The following FHIT variants were observed in gnomAD, a reference collection of about 807,000 sequenced individuals.
FHIT encodes bis(5'-adenosyl)-triphosphatase.
A neutral mutation model predicts 17.9 loss-of-function variants in FHIT; 19 were observed. The ratio of observed to expected loss-of-function variants is 1.06; its 90% confidence interval spans 0.74 to 1.56. The LOEUF (loss-of-function observed/expected upper bound fraction) is 1.56, where lower values mean the gene tolerates loss of function less well. Among genes scored for constraint, FHIT ranks in the 40% most tolerant of loss-of-function variants. The probability of loss-of-function intolerance (pLI) is 0.00; values close to 1 mark genes in which losing one functional copy is unlikely to be tolerated. For synonymous variants in FHIT, 81 were observed against 69.7 expected, an observed-to-expected ratio of 1.16 and a Z score of -0.81; for missense variants, 248 against 189.2, an observed-to-expected ratio of 1.31 and a Z score of -1.82.
At chr3:60,335,631 T>A (rs1710198508) in intron 5 of FHIT, among the ~76,000 whole-genome samples, 1 of 152,164 alleles carries the variant, frequency 6.6e-6, no homozygotes, top group South Asian at 2.1e-4. Context: ...AATCGGGTGC[T>A]GTGTTAGATA....
chr3:59,752,858 A>G (rs1429874128), intron 8 of FHIT, among the ~76,000 whole-genome samples: 1 of 152,132 alleles, frequency 6.6e-6, no homozygotes, highest in African/African-American at 2.4e-5. Flanking sequence ...CCAGGAGCCA[A>G]TTAAACTGCT....
rs113286561 is a variant in FHIT at position 60,497,669 on chromosome 3, A to C, written c.103+39191T>G. Among the ~76,000 whole-genome samples, 1,442 of 152,284 alleles carry C rather than the reference A, an allele frequency of 9.5e-3. 31 individuals carry two copies. Among genetic ancestry groups the C allele is most frequent in the African/African-American group, 0.033 (1,381 of 41,560 alleles). ...AGGATCATTTCATTATTACAGTTTC[A>C]GGCAAGAACATTCTAAAACCAGCTC... is the stretch of plus-strand genomic sequence containing the variant. On this transcript the variant is annotated intron_variant, in intron 5 of 9. Coordinates refer to ENST00000492590, the MANE Select transcript of FHIT (RefSeq NM_002012.4).
intron 3 of FHIT, among the ~76,000 whole-genome samples, chr3:60,902,175 C>T (rs1553763329): frequency 6.6e-6 from 1 of 152,136 alleles, no homozygotes; most frequent in African/African-American, 2.4e-5. Context: ...TCAATCTTTA[C>T]CCTAATTCTC....
intron 3 of FHIT, among the ~76,000 whole-genome samples, chr3:60,862,869 G>T (rs79960834): frequency 7.2e-6 from 1 of 139,466 alleles, no homozygotes; most frequent in Non-Finnish European, 1.6e-5. Flanking sequence ...AAAAAAAAAA[G>T]ATTCCTGTCC....
At chr3:60,701,483 G>C (rs144356969) in intron 4 of FHIT, among the ~76,000 whole-genome samples, 1 of 152,138 alleles carries the variant, frequency 6.6e-6, no homozygotes, top group African/African-American at 2.4e-5. Flanking sequence ...GGGTCGGAAA[G>C]GGGGGAGTGC....
intron 5 of FHIT, among the ~76,000 whole-genome samples, chr3:60,258,987 T>A (rs908569857): frequency 3.9e-5 from 6 of 152,008 alleles, no homozygotes; most frequent in Admixed American, 3.3e-4. Flanking sequence ...ATCTTCCTGC[T>A]TCTGCTATGT....
intron 5 of FHIT, among the ~76,000 whole-genome samples, chr3:60,335,940 CAT>C (rs1050145821): frequency 9.9e-5 from 15 of 152,076 alleles, no homozygotes; most frequent in African/African-American, 2.7e-4. Context: ...ATGAAACATG[CAT>C]ATGTTAACAC....
chr3:60,831,155 G>A (rs1181966553), intron 3 of FHIT, among the ~76,000 whole-genome samples: 1 of 152,110 alleles, frequency 6.6e-6, no homozygotes, highest in Admixed American at 6.6e-5. Context: ...TAGTTAAAAG[G>A]AGAAACTCAG....
chr3:60,414,658 C>T (rs1479110704), intron 5 of FHIT, among the ~76,000 whole-genome samples: 3 of 152,094 alleles, frequency 2.0e-5, no homozygotes, highest in African/African-American at 7.2e-5. Flanking sequence ...ATCCAAAGAA[C>T]CTGATGTTAT....
At chr3:60,902,963 C>T (rs577604343) in intron 3 of FHIT, among the ~76,000 whole-genome samples, 1 of 152,108 alleles carries the variant, frequency 6.6e-6, no homozygotes, top group Non-Finnish European at 1.5e-5. Flanking sequence ...ATCAGACACC[C>T]CAACTTTACC....
At position 60,222,403 on chromosome 3, in the gene FHIT, C is replaced by T. The variant is rs1017993078; in HGVS notation, c.104-208251G>A. Among the ~76,000 whole-genome samples, 71 of 152,314 alleles carry T rather than the reference C, an allele frequency of 4.7e-4. 1 individual carries two copies. The highest frequency in any genetic ancestry group is 1.7e-3 in the African/African-American group (70 of 41,566). On this transcript the variant is annotated intron_variant, in intron 5 of 9. Coordinates refer to ENST00000492590, the MANE Select transcript of FHIT (RefSeq NM_002012.4). ...CTGCCACTTCTGTGTATTACAGGTA[C>T]CAACTTTCACTCAATGCTCTTTTCA...
At chr3:59,860,185 T>A (rs1051290031) in intron 8 of FHIT, among the ~76,000 whole-genome samples, 1 of 152,182 alleles carries the variant, frequency 6.6e-6, no homozygotes, top group Non-Finnish European at 1.5e-5. Flanking sequence ...ATAAGTTTAA[T>A]GGGAAAATTA....
intron 7 of FHIT, among the ~76,000 whole-genome samples, chr3:59,993,272 G>C (rs17061684): frequency 0.16 from 24,688 of 151,956 alleles, 2,150 homozygotes; most frequent in South Asian, 0.24. Context: ...TTGCAACCCC[G>C]GAAAGAGAGG....
At chr3:60,441,870 A>C (rs1343268215) in intron 5 of FHIT, among the ~76,000 whole-genome samples, 7 of 106,966 alleles carry the variant, frequency 6.5e-5, no homozygotes, top group Non-Finnish European at 1.4e-4. Flanking sequence ...TTTTTTTTTA[A>C]TTTTAAGAGA....
chr3:60,159,083 A>G (rs1331527625), intron 5 of FHIT, among the ~76,000 whole-genome samples: 2 of 151,246 alleles, frequency 1.3e-5, no homozygotes, highest in South Asian at 4.2e-4. Context: ...TTTTCTAATC[A>G]TCCCCCACCA....
intron 2 of FHIT, among the ~76,000 whole-genome samples, chr3:61,159,313 T>A (rs1217740267): frequency 6.6e-6 from 1 of 152,200 alleles, no homozygotes; most frequent in Non-Finnish European, 1.5e-5. Context: ...GTGCGTTTGA[T>A]ACAATCTGTA....
intron 4 of FHIT, among the ~76,000 whole-genome samples, chr3:60,767,102 C>A (rs1187299730): frequency 1.3e-5 from 2 of 152,138 alleles, no homozygotes; most frequent in Non-Finnish European, 1.5e-5. Context: ...ATTGAGCCTA[C>A]AAATGTTAAC....
intron 3 of FHIT, among the ~76,000 whole-genome samples, chr3:60,868,522 G>T (rs536488095): frequency 6.6e-6 from 1 of 152,164 alleles, no homozygotes; most frequent in Non-Finnish European, 1.5e-5. Context: ...GAATCAGAAA[G>T]CCTGAAGAAG....
chr3:60,485,370 G>A (rs184967536), intron 5 of FHIT, among the ~76,000 whole-genome samples: 8 of 152,092 alleles, frequency 5.3e-5, no homozygotes, highest in African/African-American at 7.2e-5. Flanking sequence ...TTAGTGCAGC[G>A]TCATTTACAA....
Sources: allele counts gnomAD v4.1 joint callset (sites outside exome capture counted in the v4.1 genomes callset), GRCh38; gene constraint gnomAD v4.1.1; transcripts MANE v1.5; gene names NCBI Gene and HGNC (gene_info 2026-07-23, HGNC 2026-07-21).